LARGE1: variants seen among roughly 807,000 people sequenced by gnomAD.
The protein encoded by LARGE1 is LARGE xylosyl- and glucuronyltransferase 1.
A neutral mutation model predicts 87.6 loss-of-function variants in LARGE1; 43 were observed. The ratio of observed to expected loss-of-function variants is 0.49; its 90% CI spans 0.38 to 0.63. The LOEUF (loss-of-function observed/expected upper bound fraction) is 0.63, where lower values mean the gene tolerates loss of function less well. Ranked by LOEUF, LARGE1 falls within the 30% of genes least tolerant of loss-of-function variation. The probability of loss-of-function intolerance (pLI) is 0.00; values close to 1 mark genes in which losing one functional copy is unlikely to be tolerated. For synonymous variants in LARGE1, 434 were observed against 394.6 expected (o/e 1.10, Z -1.18); for missense variants, 802 against 1,000.2 (o/e 0.80, Z 2.67).
At chr22:33,837,942 T>C (rs1334465188) in intron 1 of LARGE1, among the ~76,000 whole-genome samples, 2 of 152,226 alleles carry the variant, frequency 1.3e-5, no homozygotes, top group Admixed American at 1.3e-4. Context: ...TAAGGTGAGA[T>C]AGTAAATCAC....
chr22:33,731,727 A>T (rs953709504), intron 2 of LARGE1, among the ~76,000 whole-genome samples: 3 of 152,324 alleles, frequency 2.0e-5, no homozygotes, highest in South Asian at 2.1e-4. Context: ...TATCACTAAT[A>T]ATAAATAAAG....
intron 2 of LARGE1, among the ~76,000 whole-genome samples, chr22:33,680,597 A>G (rs1476219581): frequency 6.6e-6 from 1 of 152,150 alleles, no homozygotes; most frequent in African/African-American, 2.4e-5. Context: ...AACAACCTCA[A>G]CAGTTGCACC....
chr22:33,680,629 C>G (rs2081736498), intron 2 of LARGE1, among the ~76,000 whole-genome samples: 1 of 152,152 alleles, frequency 6.6e-6, no homozygotes, highest in Non-Finnish European at 1.5e-5. Context: ...TTCCAATGAA[C>G]AGACTGTTAG....
chr22:33,079,221 CTTT>C, the LARGE1 span, among the ~76,000 whole-genome samples: 5 of 85,770 alleles, frequency 5.8e-5, no homozygotes, highest in Non-Finnish European at 6.5e-5. Context: ...AGTTATCATT[CTTT>C]TTTTTTTTTT....
chr22:33,287,009 G>A (rs769974033), intron 12 of LARGE1, among the ~76,000 whole-genome samples: 130 of 152,136 alleles, frequency 8.5e-4, no homozygotes, highest in Non-Finnish European at 5.3e-4. Context: ...CTTACTCTTG[G>A]AAATTTGAAT....
At chr22:33,666,600 G>C (rs765067059) in intron 2 of LARGE1, among the ~76,000 whole-genome samples, 1 of 152,140 alleles carries the variant, frequency 6.6e-6, no homozygotes, top group Non-Finnish European at 1.5e-5. Context: ...TAATAAAAGG[G>C]GTCAGGAGGT....
chr22:33,823,972 G>A (rs1052209340), intron 1 of LARGE1, among the ~76,000 whole-genome samples: 1 of 152,084 alleles, frequency 6.6e-6, no homozygotes, highest in Non-Finnish European at 1.5e-5. Flanking sequence ...GCCATTAGCT[G>A]AGTGCTCAGT....
intron 1 of LARGE1, among the ~76,000 whole-genome samples, chr22:33,912,648 T>G (rs2065669567): frequency 6.6e-6 from 1 of 152,148 alleles, no homozygotes; most frequent in Non-Finnish European, 1.5e-5. Context: ...AGCCCCAGCC[T>G]GTGATTACCT....
chr22:33,164,769 T>C (rs1476820308), exon 12 of LARGE1: 1 of 151,912 alleles, frequency 6.6e-6, no homozygotes, highest in Non-Finnish European at 1.5e-5. Flanking sequence ...CCACCTGCCA[T>C]GGCCTCCCAA....
intron 7 of LARGE1, among the ~76,000 whole-genome samples, chr22:33,402,542 G>A (rs1414714071): frequency 6.6e-6 from 1 of 152,130 alleles, no homozygotes; most frequent in African/African-American, 2.4e-5. Flanking sequence ...TACCCACACA[G>A]CACGCATGAC....
At chr22:33,644,999 T>C (rs529147182) in intron 3 of LARGE1, among the ~76,000 whole-genome samples, 21 of 152,230 alleles carry the variant, frequency 1.4e-4, no homozygotes, top group Non-Finnish European at 2.9e-4. Context: ...AATTTATATA[T>C]TCAATGCTAT....
the LARGE1 span, among the ~76,000 whole-genome samples, chr22:33,125,401 G>A: frequency 6.6e-6 from 1 of 151,816 alleles, no homozygotes; most frequent in Admixed American, 6.6e-5. Context: ...TATATGTATC[G>A]TGCACTGTAT....
At chr22:33,271,314 T>C (rs956551926), downstream of LARGE1, among the ~76,000 whole-genome samples, 2 of 152,238 alleles carry the variant, frequency 1.3e-5, no homozygotes, top group African/African-American at 4.8e-5. Flanking sequence ...ATTTAAATTC[T>C]AGGTCTGCCA....
At chr22:33,903,831 C>G (rs1274802479) in intron 1 of LARGE1, among the ~76,000 whole-genome samples, 1 of 151,980 alleles carries the variant, frequency 6.6e-6, no homozygotes, top group Non-Finnish European at 1.5e-5. Flanking sequence ...CTCCAAAAAA[C>G]AAAACAAAAC....
At chr22:33,279,724 G>A (rs940168665) in intron 13 of LARGE1, among the ~76,000 whole-genome samples, 4 of 152,212 alleles carry the variant, frequency 2.6e-5, no homozygotes, top group Admixed American at 6.5e-5. Flanking sequence ...GGGATATTGC[G>A]GGAGATGTCA....
chr22:33,205,118 C>T (rs1924612446), intron 11 of LARGE1, among the ~76,000 whole-genome samples: 1 of 152,174 alleles, frequency 6.6e-6, no homozygotes, highest in Non-Finnish European at 1.5e-5. Flanking sequence ...TATTTCCACC[C>T]AAAATCATAC....
chr22:33,749,190 C>T (rs901852983), intron 2 of LARGE1, among the ~76,000 whole-genome samples: 10 of 152,212 alleles, frequency 6.6e-5, no homozygotes, highest in Non-Finnish European at 1.3e-4. Flanking sequence ...TCTCGGCTCA[C>T]CGCAACCTCC....
chr22:33,568,883 G>C (rs868398213), intron 5 of LARGE1, among the ~76,000 whole-genome samples: 1 of 152,046 alleles, frequency 6.6e-6, no homozygotes, highest in Non-Finnish European at 1.5e-5. Flanking sequence ...TGGATGGATG[G>C]ATGATGGATG....
chr22:33,331,447 G>GC (rs1228151156), intron 10 of LARGE1, among the ~76,000 whole-genome samples: 1 of 126,844 alleles, frequency 7.9e-6, no homozygotes, highest in Non-Finnish European at 1.6e-5. Flanking sequence ...TGCTCTTGTT[G>GC]CCCAGGCTGG....
Sources: allele counts gnomAD v4.1 joint callset (sites outside exome capture counted in the v4.1 genomes callset), GRCh38; gene constraint gnomAD v4.1.1; transcripts MANE v1.5; gene names NCBI Gene and HGNC (gene_info 2026-07-23, HGNC 2026-07-21).